Variants in ZNF827 observed in about 807,000 individuals in gnomAD.
The protein encoded by ZNF827 is zinc finger protein 827.
A neutral mutation model predicts 102.4 loss-of-function variants in ZNF827; 13 were observed. The ratio of observed to expected loss-of-function variants is 0.13; its 90% CI spans 0.08 to 0.20. The LOEUF (loss-of-function observed/expected upper bound fraction) is 0.20. ZNF827 is among the 10% of genes least tolerant of loss of function. The pLI, the probability that ZNF827 is intolerant of heterozygous loss-of-function variation, is 1.00. For synonymous variants in ZNF827, 523 were observed against 536.2 expected (o/e 0.98, Z 0.34); for missense variants, 1,103 against 1,344.4 (o/e 0.82, Z 2.81).
chr4:145,883,059 A>AT (rs1363362010), intron 4 of ZNF827, among the ~76,000 whole-genome samples: 126 of 127,472 alleles, frequency 9.9e-4, no homozygotes, highest in Middle Eastern at 3.8e-3. Context: ...GGTAAGTAAA[A>AT]TTAAAAAAAA....
intron 11 of ZNF827, 60 bp downstream of exon 11, chr4:145,774,446 G>A: frequency 1.3e-6 from 2 of 1,551,752 alleles, no homozygotes; most frequent in Non-Finnish European, 1.8e-6. Flanking sequence ...CCAGGTGGCA[G>A]GTGCTCTGGG....
intron 8 of ZNF827, among the ~76,000 whole-genome samples, chr4:145,813,842 C>T (rs764176198): frequency 6.6e-6 from 1 of 152,100 alleles, no homozygotes; most frequent in Non-Finnish European, 1.5e-5. Context: ...CCAGAGGCCA[C>T]TGTAATCCAG....
chr4:145,839,094 AT>A (rs1356587206), intron 7 of ZNF827: 1 of 152,144 alleles, frequency 6.6e-6, no homozygotes, highest in African/African-American at 2.4e-5. Flanking sequence ...ACATATACGT[AT>A]TTTTCATGTT....
At chr4:145,869,560 A>G (rs889004456) in intron 5 of ZNF827, among the ~76,000 whole-genome samples, 6 of 152,154 alleles carry the variant, frequency 3.9e-5, no homozygotes, top group Non-Finnish European at 2.9e-5. Flanking sequence ...TTGAAAAGAC[A>G]TTATGTTTTT....
chr4:145,874,397 AATTTCCCAAACATTTGGGTCTCAAT>A (rs1748978213), intron 4 of ZNF827, among the ~76,000 whole-genome samples: 2 of 152,348 alleles, frequency 1.3e-5, no homozygotes, highest in South Asian at 4.1e-4. Context: ...CCCAAGTTTT[AATTTCCCAAACATTTGGGTCTCAAT>A]AGAAGACGTA....
At chr4:145,854,839 A>G (rs1452744841) in intron 5 of ZNF827, among the ~76,000 whole-genome samples, 2 of 152,056 alleles carry the variant, frequency 1.3e-5, no homozygotes, top group Admixed American at 1.3e-4. Context: ...CATCTTTTCT[A>G]TATCTAGAGT....
At chr4:145,844,049 AT>A (rs1560989031) in intron 7 of ZNF827, among the ~76,000 whole-genome samples, 1 of 151,986 alleles carries the variant, frequency 6.6e-6, no homozygotes, top group Non-Finnish European at 1.5e-5. Context: ...TAAAATGAAT[AT>A]TTTTTTATGT....
At chr4:145,785,226 C>T (rs1025559373) in intron 8 of ZNF827, among the ~76,000 whole-genome samples, 7 of 152,138 alleles carry the variant, frequency 4.6e-5, no homozygotes, top group African/African-American at 2.4e-5. Context: ...TGAGGCCTAT[C>T]ATCCATAATG....
chr4:145,791,046 A>G (rs1739605992), intron 8 of ZNF827, among the ~76,000 whole-genome samples: 1 of 152,192 alleles, frequency 6.6e-6, no homozygotes, highest in African/African-American at 2.4e-5. Flanking sequence ...ATTTTTCCTC[A>G]GGCAGGGAAT....
intron 1 of ZNF827, among the ~76,000 whole-genome samples, chr4:145,904,744 A>G (rs1751700689): frequency 6.6e-6 from 1 of 152,170 alleles, no homozygotes; most frequent in South Asian, 2.1e-4. Flanking sequence ...GTGTGTGCAC[A>G]TGCACTGTGG....
At position 145,765,036 on chromosome 4, in the gene ZNF827, T is replaced by C. The variant is rs1210320574; in HGVS notation, c.3182A>G (p.Gln1061Arg). 3 of 1,614,208 alleles carry C rather than the reference T, an allele frequency of 1.9e-6. No individual in the cohort carries two copies. The highest frequency in any genetic ancestry group is 2.5e-6 in the Non-Finnish European group (3 of 1,180,012). The stretch of plus-strand genomic sequence containing the variant: ...GTGGCATTTCTTATGCTCCAGCAGC[T>C]GTTCGGGGGTCTTCATGAACTTGTG... The part of the protein sequence containing the change: ...VCHKFMKTPE[Q>R]LLEHKKCHTV... Residue 1061 changes from glutamine (Q) to arginine (R), a missense_variant, in exon 13 of 15, where the codon CAG becomes CGG. This residue lies in a region of ZNF827 where 242 missense variants were observed against 361.9 expected (regional missense o/e 0.67). Coordinates refer to ENST00000508784, the MANE Select transcript of ZNF827 (RefSeq NM_001306215.2). The surrounding 1 kb of genome is among the most constrained non-coding windows in gnomAD (Gnocchi z 4.7).
chr4:145,777,946 C>A (rs1017221226), intron 9 of ZNF827, among the ~76,000 whole-genome samples: 2 of 152,128 alleles, frequency 1.3e-5, no homozygotes, highest in African/African-American at 2.4e-5. Flanking sequence ...ATTTTATTGA[C>A]CCTTACTTAT....
intron 1 of ZNF827, among the ~76,000 whole-genome samples, chr4:145,935,998 G>A (rs1195298928): frequency 6.6e-6 from 1 of 151,966 alleles, no homozygotes; most frequent in East Asian, 1.9e-4. Flanking sequence ...AAAGCAGGGG[G>A]AGAAGAGAAG....
chr4:145,772,092 C>A (rs1039929871), intron 11 of ZNF827, among the ~76,000 whole-genome samples: 1 of 152,136 alleles, frequency 6.6e-6, no homozygotes, highest in Non-Finnish European at 1.5e-5. Flanking sequence ...ACATAGATTA[C>A]AGAAATAAGT....
chr4:145,837,624 C>A (rs1161415190), intron 7 of ZNF827, among the ~76,000 whole-genome samples: 2 of 152,186 alleles, frequency 1.3e-5, no homozygotes, highest in Non-Finnish European at 2.9e-5. Context: ...CTGGTGCTAT[C>A]CCCAAACTGC....
chr4:145,867,748 G>C (rs1358382904), intron 5 of ZNF827, among the ~76,000 whole-genome samples: 1 of 152,136 alleles, frequency 6.6e-6, no homozygotes, highest in Non-Finnish European at 1.5e-5. Context: ...AAACAAGCAA[G>C]GCAGGAAGCA....
At chr4:145,882,871 A>G (rs1749790747) in intron 4 of ZNF827, among the ~76,000 whole-genome samples, 1 of 152,178 alleles carries the variant, frequency 6.6e-6, no homozygotes, top group Admixed American at 6.5e-5. Flanking sequence ...TATAACGCCA[A>G]GGGACAAGGC....
At chr4:145,823,931 G>C (rs1241205874) in intron 7 of ZNF827, among the ~76,000 whole-genome samples, 1 of 152,190 alleles carries the variant, frequency 6.6e-6, no homozygotes, top group African/African-American at 2.4e-5. Context: ...CCCATATTCT[G>C]TCACCTGATC....
At chr4:145,936,957 C>G (rs900998333) in intron 1 of ZNF827, among the ~76,000 whole-genome samples, 1 of 152,028 alleles carries the variant, frequency 6.6e-6, no homozygotes, top group Non-Finnish European at 1.5e-5. Context: ...TCCCCCGACC[C>G]CTCCCTCCGG....
Sources: gnomAD v4.1 joint callset for allele counts (sites outside exome capture counted in the v4.1 genomes callset) on GRCh38, gnomAD v4.1.1 for gene constraint, gnomAD v4.1.1 regional missense constraint, Gnocchi (gnomAD v3.1) non-coding constraint, MANE v1.5 for transcripts, NCBI Gene and HGNC (gene_info 2026-07-23, HGNC 2026-07-21) for gene names.